The following PDE12 variants were observed in gnomAD, a reference collection of about 807,000 sequenced individuals.
PDE12 encodes 2',5'-phosphodiesterase 12.
PDE12 carries 26 observed loss-of-function variants against 45.4 expected under a neutral mutation model. The observed-to-expected ratio is 0.57, with a 90% CI of 0.42 to 0.79. PDE12 has a LOEUF of 0.79. Among genes scored for constraint, PDE12 ranks in the 30% least tolerant of loss-of-function variants. The pLI is 0.00. For synonymous variants in PDE12, 283 were observed against 323.9 expected, an observed-to-expected ratio of 0.87 and a Z score of 1.36; for missense variants, 668 against 790.0, an observed-to-expected ratio of 0.85 and a Z score of 1.85.
chr3:57,564,887 C>T lies in PDE12; in HGVS notation c.*4883C>T, dbSNP rs1020331515. ...AAAAAAAAATGGTTTCACCATGTTGCCCAGGCTGGTCTTGAAATTCTCAGT... is the reference window on the plus strand; with the variant it reads ...AAAAAAAAATGGTTTCACCATGTTGTCCAGGCTGGTCTTGAAATTCTCAGT... On this transcript the variant is annotated 3_prime_UTR_variant, in exon 3 of 3. Transcript: ENST00000311180. 10 of 151,108 alleles carry T rather than the reference C, an allele frequency of 6.6e-5. No individual in the cohort carries two copies. The highest frequency in any genetic ancestry group is 2.4e-4 in the African/African-American group (10 of 41,010). 9.4% of individuals were successfully genotyped at this position (151,108 alleles called of 1,614,324 possible). A position where few individuals can be genotyped will look rare whatever the true frequency, so the allele number is the denominator to read the frequency against.
chr3:57,611,827 C>T, the PDE12 span, among the ~76,000 whole-genome samples: 7 of 152,246 alleles, frequency 4.6e-5, no homozygotes, highest in South Asian at 6.2e-4. Flanking sequence ...GATAGTGTGG[C>T]GCTTTGTCAA....
chr3:57,625,820 A>T, the PDE12 span: 1 of 152,632 alleles, frequency 6.6e-6, no homozygotes, highest in Admixed American at 6.5e-5. Context: ...AAAAATGAAG[A>T]CACCATTATC....
the PDE12 span, among the ~76,000 whole-genome samples, chr3:57,643,696 G>A: frequency 4.0e-5 from 6 of 151,800 alleles, no homozygotes; most frequent in African/African-American, 7.3e-5. Flanking sequence ...GTGTGGTGGT[G>A]CATGCCTGTA....
the PDE12 span, among the ~76,000 whole-genome samples, chr3:57,588,370 G>C: frequency 5.3e-5 from 8 of 152,062 alleles, no homozygotes; most frequent in Non-Finnish European, 7.4e-5. Flanking sequence ...TTTGAAACCA[G>C]CCTGGTCAAC....
the PDE12 span, among the ~76,000 whole-genome samples, chr3:57,589,739 A>G: frequency 6.6e-6 from 1 of 151,678 alleles, no homozygotes; most frequent in Non-Finnish European, 1.5e-5. Context: ...CAAAAAACCC[A>G]AAAAAACAAA....
chr3:57,646,433 A>C, the PDE12 span: 1 of 1,612,636 alleles, frequency 6.2e-7, no homozygotes, highest in Non-Finnish European at 8.5e-7. Flanking sequence ...AACTGGGCAG[A>C]AACACCTGAA....
intron 1 of PDE12, 117 bp downstream of exon 1, chr3:57,557,804 T>C (rs1301285215): frequency 2.2e-6 from 2 of 896,468 alleles, no homozygotes; most frequent in Admixed American, 2.7e-5. Flanking sequence ...TTGAAAGGTG[T>C]GTTTGCCCTT....
chr3:57,628,299 T>A, the PDE12 span: 1 of 1,614,060 alleles, frequency 6.2e-7, no homozygotes, highest in Non-Finnish European at 8.5e-7. Flanking sequence ...CCGTAACTTT[T>A]CCATAGTGTC....
At chr3:57,591,529 C>T in the PDE12 span, among the ~76,000 whole-genome samples, 2 of 150,904 alleles carry the variant, frequency 1.3e-5, no homozygotes, top group South Asian at 2.1e-4. Context: ...TGCAATGGCA[C>T]GATCTCAGCT....
the PDE12 span, chr3:57,583,816 C>G: frequency 1.1e-6 from 1 of 944,312 alleles, no homozygotes; most frequent in African/African-American, 1.7e-5. Context: ...CACCAATATC[C>G]AAGTAAATAC....
chr3:57,569,509 T>C (rs7635022), downstream of PDE12, among the ~76,000 whole-genome samples: 58,638 of 151,692 alleles, frequency 0.39, 12,665 homozygotes, highest in South Asian at 0.57. Context: ...TGCACCACCA[T>C]GCATGGCTAG....
At chr3:57,590,082 T>G in the PDE12 span, among the ~76,000 whole-genome samples, 1 of 132,946 alleles carries the variant, frequency 7.5e-6, no homozygotes. Flanking sequence ...AGACCAAGAC[T>G]CTGTCTCAAT....
the PDE12 span, among the ~76,000 whole-genome samples, chr3:57,607,070 G>A: frequency 2.6e-5 from 4 of 152,302 alleles, no homozygotes; most frequent in African/African-American, 9.6e-5. Flanking sequence ...CAATCAGGCA[G>A]CAACATTTGC....
chr3:57,573,212 A>AC, the PDE12 span, among the ~76,000 whole-genome samples: 1 of 151,700 alleles, frequency 6.6e-6, no homozygotes, highest in Non-Finnish European at 1.5e-5. Flanking sequence ...AAAAAAAAAA[A>AC]AAAGAAAGAA....
At chr3:57,610,280 C>A in the PDE12 span, among the ~76,000 whole-genome samples, 200 of 152,194 alleles carry the variant, frequency 1.3e-3, no homozygotes, top group Middle Eastern at 6.8e-3. Context: ...CCAATATCAT[C>A]CTGAATGGGC....
chr3:57,613,003 C>T, the PDE12 span, among the ~76,000 whole-genome samples: 32 of 151,880 alleles, frequency 2.1e-4, no homozygotes, highest in African/African-American at 7.0e-4. Flanking sequence ...TTTTTGGTGA[C>T]GGAGTCTCGC....
chr3:57,556,426 C>T lies in PDE12; in HGVS notation c.47C>T (p.Thr16Met). The change falls in exon 1 of 3, where the codon ACG (threonine) becomes ATG (methionine). Residue 16 changes from threonine (T) to methionine (M), a missense_variant. Thr to Met is a moderately conservative substitution (Grantham distance 81, BLOSUM62 -1). Around this residue, in one of 3 missense-constraint regions of PDE12, gnomAD observed 580 missense variants for 662.9 expected, o/e 0.87. Coordinates refer to ENST00000311180, the MANE Select transcript of PDE12 (RefSeq NM_177966.7). This position sits in a 1 kb window ranked among gnomAD's most constrained non-coding sequence, Gnocchi z 5.0. ...CGCGCCGCGCTTCGGGTGATCCGGA[C>T]GGCGGTGGAGAAGCTGAGCCGGGCT... ...GARAALRVIR[T>M]AVEKLSRAEA... 1.2e-6 allele frequency: 2 copies of T among 1,610,702 alleles called. No homozygotes were observed. Among genetic ancestry groups the T allele is most frequent in the South Asian group, 2.2e-5 (2 of 90,806 alleles).
At position 57,563,196 on chromosome 3, in the gene PDE12, T is replaced by G. The variant is rs968707181; in HGVS notation, c.*3192T>G. 8 of 152,142 alleles carry G rather than the reference T, an allele frequency of 5.3e-5. No homozygotes were observed. The highest frequency in any genetic ancestry group is 1.9e-4 in the African/African-American group (8 of 41,448). 9.4% of individuals were successfully genotyped at this position (152,142 alleles called of 1,614,324 possible). ...TTCTCAGCATAATTTTTTTAAGAGA[T>G]AGAGTCTCACTGTTACCCAGGCTGG... is the stretch of plus-strand genomic sequence containing the variant. On this transcript the variant is annotated 3_prime_UTR_variant, in exon 3 of 3. Transcript: ENST00000311180.
At chr3:57,589,622 G>A in the PDE12 span, among the ~76,000 whole-genome samples, 638 of 151,820 alleles carry the variant, frequency 4.2e-3, 6 homozygotes, top group African/African-American at 0.015. Context: ...GGAGGCTGAG[G>A]CAGGAGAATC....
Sources: allele counts gnomAD v4.1 joint callset (sites outside exome capture counted in the v4.1 genomes callset), GRCh38; gene constraint gnomAD v4.1.1; regional missense constraint gnomAD v4.1.1; non-coding constraint Gnocchi (gnomAD v3.1); transcripts MANE v1.5; gene names NCBI Gene and HGNC (gene_info 2026-07-23, HGNC 2026-07-21).